The following CHN1 variants were observed in gnomAD, a reference collection of about 807,000 sequenced individuals.
The protein encoded by CHN1 is chimerin 1.
A neutral mutation model predicts 59.5 loss-of-function variants in CHN1; 37 were observed. The observed-to-expected ratio is 0.62, with a 90% CI of 0.48 to 0.82. The LOEUF is 0.82. Among genes scored for constraint, CHN1 ranks in the 40% least tolerant of loss-of-function variants. The pLI, the probability that CHN1 is intolerant of heterozygous loss-of-function variation, is 0.00. For missense variants in CHN1, 469 were observed against 571.0 expected, an observed-to-expected ratio of 0.82 and a Z score of 1.82; for synonymous variants, 206 against 200.4, an observed-to-expected ratio of 1.03 and a Z score of -0.24.
At chr2:174,954,748 C>T (rs1026123260) in intron 1 of CHN1, among the ~76,000 whole-genome samples, 3 of 152,238 alleles carry the variant, frequency 2.0e-5, no homozygotes, top group East Asian at 1.9e-4. Flanking sequence ...TATGTTAACA[C>T]CTCACTCCTA....
intron 1 of CHN1, among the ~76,000 whole-genome samples, chr2:174,992,554 T>C (rs1205312641): frequency 1.3e-5 from 2 of 152,102 alleles, no homozygotes; most frequent in Non-Finnish European, 1.5e-5. Flanking sequence ...AAAGAACAAA[T>C]ATTCAAACAA....
chr2:174,847,315 G>T (rs1270056327), intron 6 of CHN1: 3 of 1,318,522 alleles, frequency 2.3e-6, no homozygotes, highest in East Asian at 5.5e-5. Context: ...CGACTAACCA[G>T]CAAATTCTTC....
At chr2:174,866,961 C>T (rs1687235956) in intron 6 of CHN1, among the ~76,000 whole-genome samples, 1 of 151,408 alleles carries the variant, frequency 6.6e-6, no homozygotes, top group South Asian at 2.1e-4. Context: ...CTTTTTAGCG[C>T]ATTAAATATT....
intron 6 of CHN1, 127 bp from the exon 7 acceptor site, chr2:174,847,084 T>C (rs1686545241): frequency 3.2e-6 from 5 of 1,551,708 alleles, no homozygotes; most frequent in Non-Finnish European, 3.5e-6. Flanking sequence ...ATTTGTGAAC[T>C]GCAGCCCTAT....
chr2:174,980,074 A>G (rs1691091169), intron 1 of CHN1, among the ~76,000 whole-genome samples: 1 of 152,126 alleles, frequency 6.6e-6, no homozygotes, highest in African/African-American at 2.4e-5. Flanking sequence ...ATAAATAACT[A>G]CAACTGTTGG....
intron 8 of CHN1, among the ~76,000 whole-genome samples, chr2:174,822,854 T>C (rs1383374258): frequency 6.6e-6 from 1 of 152,252 alleles, no homozygotes; most frequent in East Asian, 1.9e-4. Flanking sequence ...GCTTCGACTC[T>C]GAGCTGAGGC....
At chr2:175,000,314 G>A (rs1691851272) in intron 1 of CHN1, among the ~76,000 whole-genome samples, 1 of 151,420 alleles carries the variant, frequency 6.6e-6, no homozygotes, top group South Asian at 2.1e-4. Flanking sequence ...GCTAATTTTT[G>A]TATTTTTAGT....
chr2:174,984,644 G>T (rs1691279810), intron 1 of CHN1, among the ~76,000 whole-genome samples: 1 of 152,156 alleles, frequency 6.6e-6, no homozygotes, highest in African/African-American at 2.4e-5. Context: ...TGGGATTACA[G>T]GCGTGAGCCA....
At chr2:174,863,229 G>A (rs1687120393) in intron 6 of CHN1, among the ~76,000 whole-genome samples, 3 of 152,094 alleles carry the variant, frequency 2.0e-5, no homozygotes, top group African/African-American at 7.2e-5. Context: ...ATCAATGCAT[G>A]ATGTTTCAAA....
intron 3 of CHN1, among the ~76,000 whole-genome samples, chr2:174,929,050 C>G (rs1373309607): frequency 6.6e-6 from 1 of 152,168 alleles, no homozygotes. Flanking sequence ...ACTTCTATTA[C>G]TCCATTTGTA....
chr2:174,914,756 T>C (rs1037386508), intron 5 of CHN1, among the ~76,000 whole-genome samples: 4 of 146,070 alleles, frequency 2.7e-5, no homozygotes, highest in Admixed American at 2.2e-4. Context: ...GGCAGGAGAA[T>C]AGCTTGAACC....
chr2:174,846,772 C>T (rs1417380357), intron 7 of CHN1, 108 bp downstream of exon 7: 3 of 1,117,740 alleles, frequency 2.7e-6, no homozygotes, highest in Non-Finnish European at 3.7e-6. Context: ...ATAGCAAGAA[C>T]ATTTTAGTCA....
chr2:174,846,207 T>C, intron 7 of CHN1: 2 of 1,389,040 alleles, frequency 1.4e-6, no homozygotes, highest in East Asian at 2.6e-5. Flanking sequence ...AAATACAGAC[T>C]AGATCTACAT....
Position 174,799,524 on chromosome 2 carries a change from A to C in CHN1, c.*592T>G, listed in dbSNP as rs1171858909. On this transcript the variant is annotated 3_prime_UTR_variant, in exon 13 of 13. Coordinates refer to ENST00000409900, the MANE Select transcript of CHN1 (RefSeq NM_001822.7). Reference sequence around the variant, plus strand: ...TGTACACTTTTTATTGGTATGGATAACCTTTATTAAAGTAACAAATCTGAA... The same window carrying C: ...TGTACACTTTTTATTGGTATGGATACCCTTTATTAAAGTAACAAATCTGAA... 1.9e-6 allele frequency: 1 copy of C among 519,870 alleles called. No individual in the cohort carries two copies. The highest frequency in any genetic ancestry group is 1.5e-5 in the South Asian group (1 of 65,012). The allele number at this position is 519,870 out of a possible 1,614,324, so 32.2% of individuals were successfully genotyped here.
Position 174,800,015 on chromosome 2 carries a change from A to G in CHN1, c.*101T>C. On this transcript the variant is annotated 3_prime_UTR_variant, in exon 13 of 13. Transcript: ENST00000409900. The stretch of plus-strand genomic sequence containing the variant: ...TTCACTTTAATCTGGTTATATGCCC[A>G]AACCTCTAATCAAGAAATAATGCAG... 1 of 1,148,660 alleles carries G rather than the reference A, an allele frequency of 8.7e-7. No homozygotes were observed. Among genetic ancestry groups the G allele is most frequent in the Non-Finnish European group, 1.3e-6 (1 of 791,698 alleles). The allele number at this position is 1,148,660 out of a possible 1,614,324, so 71.2% of individuals were successfully genotyped here.
At chr2:175,002,696 C>T (rs1559018293) in intron 1 of CHN1, among the ~76,000 whole-genome samples, 1 of 152,168 alleles carries the variant, frequency 6.6e-6, no homozygotes, top group Non-Finnish European at 1.5e-5. Context: ...AGTCGTTACT[C>T]TGGGGAGCCT....
intron 3 of CHN1, among the ~76,000 whole-genome samples, chr2:174,939,844 AAACTGC>A (rs1431320575): frequency 1.3e-5 from 2 of 152,176 alleles, no homozygotes; most frequent in Non-Finnish European, 1.5e-5. Context: ...ACATATATCT[AAACTGC>A]AACTGGACAT....
chr2:174,822,900 C>T (rs1685548499), intron 8 of CHN1, among the ~76,000 whole-genome samples: 1 of 152,200 alleles, frequency 6.6e-6, no homozygotes, highest in African/African-American at 2.4e-5. Flanking sequence ...GCTCCAAGTC[C>T]ACACGTGTAG....
chr2:174,979,754 G>A (rs930392936), intron 1 of CHN1, among the ~76,000 whole-genome samples: 3 of 152,008 alleles, frequency 2.0e-5, no homozygotes, highest in African/African-American at 4.8e-5. Context: ...GGTGGTGGGC[G>A]CCTGTAGTCC....
Sources: allele counts gnomAD v4.1 joint callset (sites outside exome capture counted in the v4.1 genomes callset), GRCh38; gene constraint gnomAD v4.1.1; transcripts MANE v1.5; gene names NCBI Gene and HGNC (gene_info 2026-07-23, HGNC 2026-07-21).